ZNF638: variants seen among roughly 807,000 people sequenced by gnomAD.
ZNF638 encodes zinc finger protein 638, also known as CTCL tumor antigen se33-1.
ZNF638 carries 46 observed loss-of-function variants against 195.6 expected under a neutral mutation model. The ratio of observed to expected loss-of-function variants is 0.24; its 90% CI spans 0.19 to 0.30. The LOEUF is 0.30. Among genes scored for constraint, ZNF638 ranks in the 10% least tolerant of loss-of-function variants. The pLI is 1.00. For missense variants in ZNF638, 2,440 were observed against 2,325.3 expected, an observed-to-expected ratio of 1.05 and a Z score of -1.01; for synonymous variants, 845 against 772.0, an observed-to-expected ratio of 1.09 and a Z score of -1.57.
At chr2:71,389,142 C>G (rs868274303) in intron 10 of ZNF638, among the ~76,000 whole-genome samples, 5 of 152,230 alleles carry the variant, frequency 3.3e-5, no homozygotes, top group Middle Eastern at 3.4e-3. Flanking sequence ...CTCAGCCCTG[C>G]CATTACTGGG....
chr2:71,398,487 A>C (rs1350207934), intron 11 of ZNF638, among the ~76,000 whole-genome samples: 1 of 152,172 alleles, frequency 6.6e-6, no homozygotes, highest in East Asian at 1.9e-4. Flanking sequence ...CCCAGTAGGG[A>C]GGTAAATATC....
At chr2:71,342,548 A>G (rs984063228) in intron 1 of ZNF638, among the ~76,000 whole-genome samples, 2 of 152,210 alleles carry the variant, frequency 1.3e-5, no homozygotes, top group Non-Finnish European at 2.9e-5. Flanking sequence ...GTAACTGTAG[A>G]TTTAAAGTTT....
At chr2:71,332,371 T>C (rs1240194954) in intron 1 of ZNF638, among the ~76,000 whole-genome samples, 1 of 152,140 alleles carries the variant, frequency 6.6e-6, no homozygotes, top group East Asian at 1.9e-4. Flanking sequence ...AGCGACATTG[T>C]GCAAGAAGCG....
At chr2:71,370,248 CATCTGTGA>C in intron 8 of ZNF638, among the ~76,000 whole-genome samples, 1 of 152,098 alleles carries the variant, frequency 6.6e-6, no homozygotes, top group East Asian at 1.9e-4. Context: ...AAATAGCAAA[CATCTGTGA>C]ATCTGGTACC....
At position 71,427,260 on chromosome 2, in the gene ZNF638, C is replaced by T; in HGVS notation, c.5391C>T (p.Ser1797=). The T allele has an allele frequency of 1.2e-6, 2 of 1,612,728 alleles. No individual in the cohort carries two copies. Among genetic ancestry groups the T allele is most frequent in the Non-Finnish European group, 1.7e-6 (2 of 1,179,720 alleles). The change falls in exon 24 of 28, where the codon AGC becomes AGT. Residue 1797 remains serine (S), a synonymous_variant. Transcript: ENST00000264447. ...DNDLKVELAQ[S]KNDHPTDKKG... ...ATTTAAAAGTTGAGTTAGCACAAAG[C>T]AAAAATGACCATCCCACAGATAAAA... is the stretch of plus-strand genomic sequence containing the variant.
At chr2:71,392,584 A>G (rs141018609) in intron 10 of ZNF638, among the ~76,000 whole-genome samples, 52 of 152,238 alleles carry the variant, frequency 3.4e-4, no homozygotes, top group Non-Finnish European at 6.8e-4. Context: ...TATCACACAT[A>G]TTCGAGCACA....
In ZNF638 at chr2:71,376,912, C is replaced by T. The variant is rs147352053; in HGVS notation, c.2266-3310C>T. On this transcript the variant is annotated intron_variant, in intron 8 of 27. Coordinates refer to ENST00000264447, the MANE Select transcript of ZNF638 (RefSeq NM_014497.5). ...CCTTGCCCCACCGTTACCAGTAATCCGATGAAAGCAAACATTCTTTTTTTC... is the reference window on the plus strand; with the variant it reads ...CCTTGCCCCACCGTTACCAGTAATCTGATGAAAGCAAACATTCTTTTTTTC... 4.7e-4 allele frequency among the ~76,000 whole-genome samples: 72 copies of T among 152,166 alleles called. 1 individual carries two copies. Among genetic ancestry groups the T allele is most frequent in the East Asian group, 1.5e-3 (8 of 5,186 alleles).
intron 19 of ZNF638, 135 bp downstream of exon 19, chr2:71,406,397 C>T (rs2080106179): frequency 1.3e-6 from 1 of 771,544 alleles, no homozygotes; most frequent in Admixed American, 2.9e-5. Flanking sequence ...TATTATAAAC[C>T]AGAATATTTT....
At chr2:71,379,780 T>C (rs2079501097) in intron 8 of ZNF638, 1 of 152,490 alleles carries the variant, frequency 6.6e-6, no homozygotes, top group Admixed American at 6.5e-5. Context: ...CTAACGAATA[T>C]GCGTGTCATC....
intron 21 of ZNF638, among the ~76,000 whole-genome samples, chr2:71,421,245 CTG>C (rs2080425578): frequency 1.3e-5 from 2 of 152,088 alleles, no homozygotes; most frequent in African/African-American, 2.4e-5. Flanking sequence ...CCTGCTGTAA[CTG>C]TGAATGTCAC....
rs548563243 is a variant in ZNF638, at chr2:71,424,033, A to G, written c.4519A>G (p.Asn1507Asp). 4.3e-6 allele frequency: 7 copies of G among 1,613,136 alleles called. No homozygotes were observed. In the Admixed American group the frequency reaches 8.3e-5, roughly 19 times the overall value. Residue 1507 changes from asparagine to aspartate, a missense_variant, in exon 22 of 28, where the codon AAT (asparagine) becomes GAT (aspartate). By Grantham distance (23) the Asn-to-Asp change is conservative. This residue lies in a region of ZNF638 where 1,883 missense variants were observed against 1,739.1 expected (regional missense o/e 1.08). Coordinates refer to ENST00000264447, the MANE Select transcript of ZNF638 (RefSeq NM_014497.5). ...CATCATGAAACGGGATGACAGCAAC[A>G]ATAAGGTGAGGAGGGTAGGAAGAAT... ...PSIMKRDDSNNKTLAEQNTKN... is the reference protein window; with the variant it reads ...PSIMKRDDSNDKTLAEQNTKN...
At chr2:71,392,920 A>AT (rs1335426549) in intron 10 of ZNF638, among the ~76,000 whole-genome samples, 1 of 152,194 alleles carries the variant, frequency 6.6e-6, no homozygotes, top group Non-Finnish European at 1.5e-5. Context: ...TTCCTACCTA[A>AT]TTAGCGCACA....
At chr2:71,410,663 G>C (rs1321885736) in intron 20 of ZNF638, among the ~76,000 whole-genome samples, 1 of 152,172 alleles carries the variant, frequency 6.6e-6, no homozygotes, top group East Asian at 1.9e-4. Context: ...GTGGTAAAAA[G>C]ACTGTGAATA....
At chr2:71,334,050 T>C (rs1407172898) in intron 1 of ZNF638, among the ~76,000 whole-genome samples, 2 of 152,240 alleles carry the variant, frequency 1.3e-5, no homozygotes, top group African/African-American at 4.8e-5. Flanking sequence ...TTTGTGCTTC[T>C]ATAAACTTTT....
chr2:71,433,461 CT>C, intron 27 of ZNF638, 178 bp downstream of exon 27: 1 of 548,524 alleles, frequency 1.8e-6, no homozygotes, highest in Non-Finnish European at 3.2e-6. Context: ...GTCCTTATTC[CT>C]TTTCCTTGAA....
chr2:71,379,082 T>C (rs976157972), intron 8 of ZNF638, among the ~76,000 whole-genome samples: 2 of 152,082 alleles, frequency 1.3e-5, no homozygotes, highest in Admixed American at 6.5e-5. Flanking sequence ...AGTGAGTGAA[T>C]GGCAAGGACT....
chr2:71,365,388 A>T (rs1483096402), intron 5 of ZNF638, 41 bp from the exon 6 acceptor site: 1 of 1,482,318 alleles, frequency 6.7e-7, no homozygotes, highest in African/African-American at 1.4e-5. Flanking sequence ...TCCTACCTTA[A>T]TTTTTTTCCA....
chr2:71,393,467 T>G lies in ZNF638; in HGVS notation c.2378-2674T>G, dbSNP rs1480793542. 7.0e-6 allele frequency: 5 copies of G among 717,378 alleles called. No homozygotes were observed. In the South Asian group the frequency reaches 7.4e-5, roughly 11 times the overall value. 44.4% of individuals were successfully genotyped at this position (717,378 alleles called of 1,614,324 possible). On this transcript the variant is annotated intron_variant, in intron 10 of 27. Transcript: ENST00000264447. ...CTAGGACCCAACACAGTACCAGAAG[T>G]GAAGGAAATGATCCTGCAGGACCCG...
At chr2:71,431,677 G>A (rs900734046) in intron 26 of ZNF638, among the ~76,000 whole-genome samples, 92 of 151,848 alleles carry the variant, frequency 6.1e-4, no homozygotes, top group Admixed American at 1.1e-3. Flanking sequence ...GGAGAATGGC[G>A]TGAACCCGGG....
Sources: gnomAD v4.1 joint callset for allele counts (sites outside exome capture counted in the v4.1 genomes callset) on GRCh38, gnomAD v4.1.1 for gene constraint, gnomAD v4.1.1 regional missense constraint, MANE v1.5 for transcripts, NCBI Gene and HGNC (gene_info 2026-07-23, HGNC 2026-07-21) for gene names.